Variants in PYURF observed in about 807,000 individuals in gnomAD.
The protein encoded by PYURF is PIGY upstream open reading frame, also known as protein preY, mitochondrial.
PYURF carries 9 observed loss-of-function variants against 8.0 expected under a neutral mutation model. That is an observed-to-expected ratio of 1.13 (90% CI 0.68 to 1.97). The LOEUF (loss-of-function observed/expected upper bound fraction) is 1.97. Ranked by LOEUF, PYURF falls within the 30% of genes most tolerant of loss-of-function variation. The pLI, the probability that PYURF is intolerant of heterozygous loss-of-function variation, is 0.00. For missense variants in PYURF, 130 were observed against 158.0 expected, an observed-to-expected ratio of 0.82 and a Z score of 0.95; for synonymous variants, 56 against 68.3, an observed-to-expected ratio of 0.82 and a Z score of 0.89.
At position 88,522,099 on chromosome 4, in the gene PYURF, C is replaced by G. The variant is rs569882927; in HGVS notation, c.204-70G>C. 3 of 1,371,708 alleles carry G rather than the reference C, an allele frequency of 2.2e-6. No individual in the cohort carries two copies. In the African/African-American group the frequency reaches 4.4e-5, roughly 20 times the overall value. 85.0% of individuals were successfully genotyped at this position (1,371,708 alleles called of 1,614,324 possible). A position where few individuals can be genotyped will look rare whatever the true frequency, so the allele number is the denominator to read the frequency against. ...AATGCTTGAAGAGCCTGATTTTCAACAAATACCACCATTTATCCAATTTTT... is the reference window on the plus strand; with the variant it reads ...AATGCTTGAAGAGCCTGATTTTCAAGAAATACCACCATTTATCCAATTTTT... On this transcript the variant is annotated intron_variant, in intron 1 of 1. Coordinates refer to ENST00000273968, the MANE Select transcript of PYURF (RefSeq NM_032906.5).
rs1237952587 is a variant in PYURF at position 88,523,719 on chromosome 4, C to G, written c.-19G>C. 4.9e-6 allele frequency: 7 copies of G among 1,429,770 alleles called. No homozygotes were observed. The Admixed American group carries it at 2.0e-4, about 41-fold the overall frequency. 88.6% of individuals were successfully genotyped at this position (1,429,770 alleles called of 1,614,324 possible). ...TCAGCATGGTCTGGCAGCCGGAGAC[C>G]AGGCCTCACCGCAGCCTCGCCACCC... On this transcript the variant is annotated 5_prime_UTR_variant, in exon 1 of 2. Coordinates refer to ENST00000273968, the MANE Select transcript of PYURF (RefSeq NM_032906.5).
At chr4:88,523,363 A>G in intron 1 of PYURF, 135 bp downstream of exon 1, 3 of 920,674 alleles carry the variant, frequency 3.3e-6, no homozygotes, top group East Asian at 2.7e-5. Context: ...CCCGGCGAGG[A>G]CAGAGTCCAG....
chr4:88,523,143 G>A (rs1175566004), intron 1 of PYURF, among the ~76,000 whole-genome samples: 1 of 152,124 alleles, frequency 6.6e-6, no homozygotes, highest in African/African-American at 2.4e-5. Flanking sequence ...CAAATGTTCA[G>A]GTCCCATCCC....
At position 88,521,607 on chromosome 4, in the gene PYURF, A is replaced by G; in HGVS notation, c.*281T>C. 1.2e-6 allele frequency: 2 copies of G among 1,613,712 alleles called. No homozygotes were observed. Among genetic ancestry groups the G allele is most frequent in the Non-Finnish European group, 1.7e-6 (2 of 1,179,602 alleles). On this transcript the variant is annotated 3_prime_UTR_variant, in exon 2 of 2. Coordinates refer to ENST00000273968, the MANE Select transcript of PYURF (RefSeq NM_032906.5). ...GCCTGAAGAGTTTAATACCCATCCAAGTCCAAAGGTGGAAGAATACATACA... is the reference window on the plus strand; with the variant it reads ...GCCTGAAGAGTTTAATACCCATCCAGGTCCAAAGGTGGAAGAATACATACA...
intron 1 of PYURF, 113 bp from the exon 2 acceptor site, chr4:88,522,142 A>T: frequency 1.1e-6 from 1 of 914,806 alleles, no homozygotes; most frequent in Non-Finnish European, 1.6e-6. Context: ...AGTTAATCCC[A>T]GAATAGTCTT....
chr4:88,522,263 C>T (rs1195275256), intron 1 of PYURF, among the ~76,000 whole-genome samples: 4 of 152,116 alleles, frequency 2.6e-5, no homozygotes, highest in South Asian at 2.1e-4. Flanking sequence ...CTCTTTTTCA[C>T]CTTATTCACA....
In PYURF at chr4:88,521,551, A is replaced by G. The variant is rs1316083248; in HGVS notation, c.*337T>C. ...TGCCCAAGAGCTATCATTAATATATACAGCATATTGACTCTAGTTGCATCA... is the reference window on the plus strand; with the variant it reads ...TGCCCAAGAGCTATCATTAATATATGCAGCATATTGACTCTAGTTGCATCA... On this transcript the variant is annotated 3_prime_UTR_variant, in exon 2 of 2. Transcript: ENST00000273968. 1 of 1,557,844 alleles carries G rather than the reference A, an allele frequency of 6.4e-7. No homozygotes were observed.
At chr4:88,523,469 C>A (rs1331048144) in intron 1 of PYURF, 29 bp downstream of exon 1, 1 of 1,550,040 alleles carries the variant, frequency 6.5e-7, no homozygotes, top group East Asian at 2.4e-5. Context: ...CGGGAGGCTG[C>A]AAAGGAAGGG....
chr4:88,522,213 A>C (rs1410121363), intron 1 of PYURF, among the ~76,000 whole-genome samples, 184 bp from the exon 2 acceptor site: 1 of 152,198 alleles, frequency 6.6e-6, no homozygotes, highest in African/African-American at 2.4e-5. Context: ...ATTCTCTTAC[A>C]ATCTATAATT....
chr4:88,522,740 C>T (rs1182528449), intron 1 of PYURF, among the ~76,000 whole-genome samples: 5 of 152,158 alleles, frequency 3.3e-5, no homozygotes, highest in Non-Finnish European at 5.9e-5. Context: ...GTAGAGCTGT[C>T]TTCCCAAAAA....
In PYURF at chr4:88,521,555, CA is replaced by C; in HGVS notation, c.*332del. 6.4e-7 allele frequency: 1 copy of C among 1,560,482 alleles called. No individual in the cohort carries two copies. The highest frequency in any genetic ancestry group is 1.4e-5 in the African/African-American group (1 of 73,886). ...CAAGAGCTATCATTAATATATACAG[CA>C]TATTGACTCTAGTTGCATCAATTAT... On this transcript the variant is annotated 3_prime_UTR_variant, in exon 2 of 2. Transcript: ENST00000273968.
rs991610681 is a variant in PYURF, at chr4:88,523,766, C to T, written c.-66G>A. On this transcript the variant is annotated 5_prime_UTR_variant, in exon 1 of 2. Coordinates refer to ENST00000273968, the MANE Select transcript of PYURF (RefSeq NM_032906.5). Reference sequence around the variant, plus strand: ...ACCCGTGGCCGAGCTCCCGGCTTCCCGTTCGTCCAGGCCAGCCGGGCAGGC... The same window carrying T: ...ACCCGTGGCCGAGCTCCCGGCTTCCTGTTCGTCCAGGCCAGCCGGGCAGGC... 20 of 1,376,558 alleles carry T rather than the reference C, an allele frequency of 1.5e-5. No individual in the cohort carries two copies. Among genetic ancestry groups the T allele is most frequent in the Non-Finnish European group, 1.8e-5 (19 of 1,064,402 alleles). The allele number at this position is 1,376,558 out of a possible 1,614,324, so 85.3% of individuals were successfully genotyped here. A position where few individuals can be genotyped will look rare whatever the true frequency, so the allele number is the denominator to read the frequency against.
Position 88,522,038 on chromosome 4 carries a change from G to A in PYURF, c.204-9C>T. 2 of 1,483,102 alleles carry A rather than the reference G, an allele frequency of 1.3e-6. No individual in the cohort carries two copies. Among genetic ancestry groups the A allele is most frequent in the African/African-American group, 1.4e-5 (1 of 69,278 alleles). The allele number at this position is 1,483,102 out of a possible 1,614,324, so 91.9% of individuals were successfully genotyped here. On this transcript the variant is annotated splice_polypyrimidine_tract_variant and intron_variant, in intron 1 of 1. Transcript: ENST00000273968. The stretch of plus-strand genomic sequence containing the variant: ...TTGTTGATGCTTCATATCTGAGGTG[G>A]AAAAAAAAAGAACAAAATGAGTTGT...
chr4:88,522,627 A>C (rs1319112630), intron 1 of PYURF, among the ~76,000 whole-genome samples: 5 of 152,230 alleles, frequency 3.3e-5, no homozygotes, highest in Admixed American at 3.3e-4. Flanking sequence ...AATTGCTAGC[A>C]ATCTACCATT....
At chr4:88,522,984 G>A (rs1742423884) in intron 1 of PYURF, among the ~76,000 whole-genome samples, 2 of 152,136 alleles carry the variant, frequency 1.3e-5, no homozygotes, top group African/African-American at 4.8e-5. Context: ...ATCATTTAGG[G>A]ACCGTTTAAG....
Position 88,521,416 on chromosome 4 carries a change from A to G in PYURF, c.*472T>C. 1.6e-6 allele frequency: 1 copy of G among 640,788 alleles called. No homozygotes were observed. The highest frequency in any genetic ancestry group is 2.1e-5 in the South Asian group (1 of 48,284). 39.7% of individuals were successfully genotyped at this position (640,788 alleles called of 1,614,324 possible). ...AACAAGGGCAGAACAAGAGTACAAT[A>G]AAAGAAGCATCTGCAACTTAAGCCT... On this transcript the variant is annotated 3_prime_UTR_variant, in exon 2 of 2. Coordinates refer to ENST00000273968, the MANE Select transcript of PYURF (RefSeq NM_032906.5).
Position 88,521,482 on chromosome 4 carries a change from T to A in PYURF, c.*406A>T. 8.4e-7 allele frequency: 1 copy of A among 1,193,324 alleles called. No homozygotes were observed. Among genetic ancestry groups the A allele is most frequent in the Non-Finnish European group, 1.2e-6 (1 of 840,468 alleles). 73.9% of individuals were successfully genotyped at this position (1,193,324 alleles called of 1,614,324 possible). On this transcript the variant is annotated 3_prime_UTR_variant, in exon 2 of 2. Transcript: ENST00000273968. The stretch of plus-strand genomic sequence containing the variant: ...CTGATATGCGCAAAGCAAAGCCTCT[T>A]TCCCGCAAACTAAATTCCATCCATT...
In PYURF at chr4:88,521,990, C is replaced by CAATTGATT; in HGVS notation, c.242_243insAATCAATT (p.Gly82IlefsTer5). 1 of 1,550,700 alleles carries CAATTGATT rather than the reference C, an allele frequency of 6.4e-7. No individual in the cohort carries two copies. Among genetic ancestry groups the CAATTGATT allele is most frequent in the South Asian group, 1.2e-5 (1 of 83,740 alleles). On this transcript the variant is annotated frameshift_variant, in exon 2 of 2. Coordinates refer to ENST00000273968, the MANE Select transcript of PYURF (RefSeq NM_032906.5). LOFTEE classifies it high-confidence loss of function. Reference sequence around the variant, plus strand: ...CATCAATGATTGGATAAGCTATTCCCAACTCTTCATTAATCAATTCGTTTG... The same window carrying CAATTGATT: ...CATCAATGATTGGATAAGCTATTCCCAATTGATTAACTCTTCATTAATCAATTCGTTTG...
At chr4:88,523,114 A>C (rs1202299956) in intron 1 of PYURF, among the ~76,000 whole-genome samples, 2 of 131,698 alleles carry the variant, frequency 1.5e-5, no homozygotes, top group African/African-American at 3.6e-5. Flanking sequence ...AAAGGAAAAA[A>C]AAAAAGGAAA....
Sources: gnomAD v4.1 joint callset for allele counts (sites outside exome capture counted in the v4.1 genomes callset) on GRCh38, gnomAD v4.1.1 for gene constraint, MANE v1.5 for transcripts, NCBI Gene and HGNC (gene_info 2026-07-23, HGNC 2026-07-21) for gene names.